TRPC7: variants seen among roughly 807,000 people sequenced by gnomAD.
The protein encoded by TRPC7 is short transient receptor potential channel 7.
Under a neutral mutation model 90.1 loss-of-function variants are expected in TRPC7, and 42 were observed. The ratio of observed to expected loss-of-function variants is 0.47; its 90% CI spans 0.36 to 0.60. The LOEUF (loss-of-function observed/expected upper bound fraction) is 0.60. Ranked by LOEUF, TRPC7 falls within the 20% of genes least tolerant of loss-of-function variation. TRPC7 has a pLI of 0.00. For missense variants in TRPC7, 955 were observed against 1,112.3 expected (o/e 0.86, Z 2.01); for synonymous variants, 451 against 436.3 (o/e 1.03, Z -0.42).
chr5:136,268,687 C>CTTA (rs1757114056), intron 4 of TRPC7, among the ~76,000 whole-genome samples: 1 of 152,198 alleles, frequency 6.6e-6, no homozygotes, highest in East Asian at 1.9e-4. Context: ...ATCTGCAAAA[C>CTTA]TTATTATATT....
chr5:136,235,968 G>T (rs539016394), intron 7 of TRPC7, among the ~76,000 whole-genome samples: 56 of 152,296 alleles, frequency 3.7e-4, no homozygotes, highest in African/African-American at 1.1e-3. Flanking sequence ...ATGGGACAAA[G>T]CTTGTTTGAG....
At chr5:136,345,867 A>C (rs1399968121) in intron 2 of TRPC7, among the ~76,000 whole-genome samples, 1 of 152,174 alleles carries the variant, frequency 6.6e-6, no homozygotes, top group East Asian at 1.9e-4. Context: ...ATCTTGAATT[A>C]ATTTTTGTAT....
intron 1 of TRPC7, among the ~76,000 whole-genome samples, chr5:136,357,800 GGA>G (rs1199426884): frequency 2.6e-5 from 4 of 152,124 alleles, no homozygotes; most frequent in Non-Finnish European, 5.9e-5. Context: ...TGTACAATGT[GGA>G]TAACTTACAT....
chr5:136,221,943 T>C (rs1755473052), intron 10 of TRPC7: 1 of 152,196 alleles, frequency 6.6e-6, no homozygotes, highest in Admixed American at 6.5e-5. Context: ...AGAGTGAGTA[T>C]GTGGGTCTGT....
chr5:136,295,717 CTG>C lies in TRPC7; in HGVS notation c.963+19878_963+19879del, dbSNP rs201105498. ...GGAATGCCCCTAATCTCTGCAATCT[CTG>C]TAGGAGAATCTGAGTAGTTTATCCT... is the stretch of plus-strand genomic sequence containing the variant. On this transcript the variant is annotated intron_variant, in intron 3 of 11. Transcript: ENST00000513104. Among the ~76,000 whole-genome samples, 316 of 152,314 alleles carry C rather than the reference CTG, an allele frequency of 2.1e-3. 6 individuals are homozygous for C. In the East Asian group the frequency reaches 0.052, roughly 25 times the overall value.
intron 7 of TRPC7, among the ~76,000 whole-genome samples, chr5:136,240,608 A>G (rs980847146): frequency 6.6e-6 from 1 of 152,184 alleles, no homozygotes; most frequent in Non-Finnish European, 1.5e-5. Context: ...ATTTACTACT[A>G]TAGGAGAGCA....
chr5:136,292,484 T>C (rs1757993442), intron 3 of TRPC7, among the ~76,000 whole-genome samples: 1 of 152,126 alleles, frequency 6.6e-6, no homozygotes, highest in South Asian at 2.1e-4. Context: ...CCCACAGAAA[T>C]ACAAACTACC....
chr5:136,271,222 T>G (rs536519109), intron 4 of TRPC7, among the ~76,000 whole-genome samples: 22 of 152,186 alleles, frequency 1.4e-4, no homozygotes, highest in Non-Finnish European at 2.4e-4. Flanking sequence ...TACAAAGATA[T>G]AAGGTTGGAT....
At chr5:136,235,150 C>G (rs1187845221) in intron 7 of TRPC7, among the ~76,000 whole-genome samples, 3 of 151,982 alleles carry the variant, frequency 2.0e-5, no homozygotes, top group Non-Finnish European at 4.4e-5. Context: ...AAACATAAGG[C>G]AGAAGACTGA....
chr5:136,356,277 C>T (rs949191955), intron 2 of TRPC7, among the ~76,000 whole-genome samples: 4 of 152,242 alleles, frequency 2.6e-5, no homozygotes, highest in Admixed American at 2.6e-4. Context: ...GTGTCCTAGA[C>T]ACTCCTGAGC....
Position 136,231,409 on chromosome 5 carries a change from A to G in TRPC7, c.1985T>C (p.Val662Ala). The G allele has an allele frequency of 6.2e-7, 1 of 1,612,384 alleles. No homozygotes were observed. Among genetic ancestry groups the G allele is most frequent in the Non-Finnish European group, 8.5e-7 (1 of 1,178,716 alleles). ...GGCTATTAGCATGTTGAGCAACACT[A>G]CCACCATGGTGACGTTATAAACGCC... Reference protein sequence around the residue: ...LYGVYNVTMVVVLLNMLIAMI... With the variant: ...LYGVYNVTMVAVLLNMLIAMI... The change falls in exon 8 of 12, where the codon GTA (valine) becomes GCA (alanine). Residue 662 changes from valine (V) to alanine (A), a missense_variant. By Grantham distance (64) the Val-to-Ala change is moderately conservative. Around this residue, in one of 4 missense-constraint regions of TRPC7, gnomAD observed 296 missense variants for 422.7 expected, o/e 0.70. Coordinates refer to ENST00000513104, the MANE Select transcript of TRPC7 (RefSeq NM_020389.3).
At chr5:136,290,930 A>G (rs1757923741) in intron 3 of TRPC7, among the ~76,000 whole-genome samples, 1 of 152,230 alleles carries the variant, frequency 6.6e-6, no homozygotes, top group Admixed American at 6.5e-5. Context: ...CCATCAGACT[A>G]ACAGCTGATC....
intron 2 of TRPC7, among the ~76,000 whole-genome samples, chr5:136,323,353 A>G (rs1382242991): frequency 6.6e-6 from 1 of 152,134 alleles, no homozygotes. Context: ...ACAAAGTCCA[A>G]TCTATTATTT....
At chr5:136,332,715 TAGAA>T (rs1206945860) in intron 2 of TRPC7, among the ~76,000 whole-genome samples, 1 of 152,150 alleles carries the variant, frequency 6.6e-6, no homozygotes, top group African/African-American at 2.4e-5. Context: ...CTTGAGCAAC[TAGAA>T]AGATAGAGTT....
At chr5:136,345,152 A>G (rs1209153510) in intron 2 of TRPC7, among the ~76,000 whole-genome samples, 1 of 152,228 alleles carries the variant, frequency 6.6e-6, no homozygotes, top group Non-Finnish European at 1.5e-5. Context: ...GTAGGGATAA[A>G]GTATGAAGGG....
intron 1 of TRPC7, among the ~76,000 whole-genome samples, chr5:136,361,949 T>A (rs554917760): frequency 6.6e-6 from 1 of 152,276 alleles, no homozygotes; most frequent in South Asian, 2.1e-4. Context: ...TTAAATAATG[T>A]CTACCAAATG....
chr5:136,235,331 G>A (rs1048834522), intron 7 of TRPC7, among the ~76,000 whole-genome samples: 1 of 152,162 alleles, frequency 6.6e-6, no homozygotes, highest in Non-Finnish European at 1.5e-5. Flanking sequence ...ATGAACTTAC[G>A]ATGCCATGCT....
chr5:136,345,691 C>A (rs1759984979), intron 2 of TRPC7, among the ~76,000 whole-genome samples: 1 of 152,166 alleles, frequency 6.6e-6, no homozygotes, highest in Non-Finnish European at 1.5e-5. Flanking sequence ...TGTGCTGAAG[C>A]TCTTTAGTTT....
intron 3 of TRPC7, among the ~76,000 whole-genome samples, chr5:136,299,340 CGTGTGTGTGTGTGTGTGTGTGTGT>C (rs529330866): frequency 2.4e-5 from 3 of 122,724 alleles, no homozygotes; most frequent in African/African-American, 9.2e-5. Flanking sequence ...GGGGTGTGTG[CGTGTGTGTGTGTGTGTGTGTGTGT>C]GTGTGTGTGT....
Sources: gnomAD v4.1 joint callset for allele counts (sites outside exome capture counted in the v4.1 genomes callset) on GRCh38, gnomAD v4.1.1 for gene constraint, gnomAD v4.1.1 regional missense constraint, MANE v1.5 for transcripts, NCBI Gene and HGNC (gene_info 2026-07-23, HGNC 2026-07-21) for gene names.